WNK2: variants seen among roughly 807,000 people sequenced by gnomAD.
WNK2 encodes the protein serine/threonine-protein kinase WNK2.
Under a neutral mutation model 192.1 loss-of-function variants are expected in WNK2, and 67 were observed. The observed-to-expected ratio is 0.35, with a 90% CI of 0.29 to 0.43. The LOEUF (loss-of-function observed/expected upper bound fraction) is 0.43, where lower values mean the gene tolerates loss of function less well. Among genes scored for constraint, WNK2 ranks in the 20% least tolerant of loss-of-function variants. The pLI is 1.00. For synonymous variants in WNK2, 1,439 were observed against 1,393.9 expected, an observed-to-expected ratio of 1.03 and a Z score of -0.72; for missense variants, 2,698 against 3,089.7, an observed-to-expected ratio of 0.87 and a Z score of 3.01.
intron 25 of WNK2, among the ~76,000 whole-genome samples, chr9:93,299,822 G>A (rs1420096570): frequency 6.5e-5 from 5 of 76,420 alleles, no homozygotes; most frequent in East Asian, 3.9e-4. Context: ...AAGCCGCCCC[G>A]CCCCGCCCAC....
At position 93,308,512 on chromosome 9, in the gene WNK2, G is replaced by A. The variant is rs756217549; in HGVS notation, c.6444G>A (p.Gln2148=). ...GAAQLKPTLN[Q]LKQTQKLQDM... ...CGCAGCTGAAGCCCACGCTCAACCAGCTGAAGCAGACCCAGAAGCTGCAAG... is the reference window on the plus strand; with the variant it reads ...CGCAGCTGAAGCCCACGCTCAACCAACTGAAGCAGACCCAGAAGCTGCAAG... The change falls in exon 28 of 30, where the codon CAG becomes CAA. Residue 2148 remains glutamine, a synonymous_variant. Coordinates refer to ENST00000427277, the MANE Select transcript of WNK2 (RefSeq NM_006648.4). The A allele has an allele frequency of 5.0e-6, 8 of 1,606,762 alleles. No individual in the cohort carries two copies. The African/African-American group carries it at 6.7e-5, about 13-fold the overall frequency.
intron 24 of WNK2, 55 bp from the exon 25 acceptor site, chr9:93,299,015 G>T: frequency 6.5e-7 from 1 of 1,539,654 alleles, no homozygotes. Flanking sequence ...CAATCCACAC[G>T]GCCCCGACCC....
intron 14 of WNK2, chr9:93,263,157 T>G: frequency 2.7e-6 from 1 of 371,408 alleles, no homozygotes; most frequent in Non-Finnish European, 5.0e-6. Flanking sequence ...CTGTGACCAT[T>G]TGTTCCACCC....
intron 2 of WNK2, among the ~76,000 whole-genome samples, chr9:93,210,211 GGCTGTGGT>G (rs1342506435): frequency 6.6e-6 from 1 of 152,006 alleles, no homozygotes; most frequent in African/African-American, 2.4e-5. Flanking sequence ...CAGGGATGTG[GGCTGTGGT>G]GCTCCTGAGA....
intron 2 of WNK2, among the ~76,000 whole-genome samples, chr9:93,206,404 C>T (rs1378916245): frequency 2.0e-5 from 3 of 152,152 alleles, no homozygotes; most frequent in Non-Finnish European, 4.4e-5. Context: ...GAGGGCACAG[C>T]ATTTGGCATG....
chr9:93,282,625 C>T (rs945660227), intron 19 of WNK2, among the ~76,000 whole-genome samples: 2 of 152,114 alleles, frequency 1.3e-5, no homozygotes, highest in Non-Finnish European at 2.9e-5. Flanking sequence ...AAAGATTCAA[C>T]TGGCCAGGAA....
chr9:93,279,952 A>G (rs1396281829), intron 19 of WNK2, among the ~76,000 whole-genome samples: 1 of 152,246 alleles, frequency 6.6e-6, no homozygotes, highest in Non-Finnish European at 1.5e-5. Flanking sequence ...TATGAAACTT[A>G]TGGTAGAAAA....
chr9:93,310,874 G>A (rs201104168), intron 28 of WNK2, among the ~76,000 whole-genome samples: 3 of 152,192 alleles, frequency 2.0e-5, no homozygotes, highest in African/African-American at 7.2e-5. Context: ...TGAGGTGGGA[G>A]GATCGCTGGA....
In WNK2 at chr9:93,292,834, G is replaced by A. The variant is rs750788421; in HGVS notation, c.5369G>A (p.Arg1790Gln). 4.0e-6 allele frequency: 6 copies of A among 1,503,784 alleles called. No homozygotes were observed. The South Asian group carries it at 5.1e-5, about 13-fold the overall frequency. The allele number at this position is 1,503,784 out of a possible 1,614,324, so 93.2% of individuals were successfully genotyped here. Reference sequence around the variant, plus strand: ...CCCGACGTGAAGCTGGCAGTGCGGCGGGCGCAGACGGCCTCCTCCATCGAG... The same window carrying A: ...CCCGACGTGAAGCTGGCAGTGCGGCAGGCGCAGACGGCCTCCTCCATCGAG... Reference protein sequence around the residue: ...SSPDVKLAVRRAQTASSIEVG... With the variant: ...SSPDVKLAVRQAQTASSIEVG... The change falls in exon 23 of 30, where the codon CGG becomes CAG. Residue 1790 changes from arginine to glutamine, a missense_variant. This residue lies in a region of WNK2 where 1,098 missense variants were observed against 1,101.0 expected (regional missense o/e 1.00). Transcript: ENST00000427277.
intron 23 of WNK2, among the ~76,000 whole-genome samples, chr9:93,294,507 A>G (rs1234409250): frequency 6.6e-6 from 1 of 152,216 alleles, no homozygotes; most frequent in Non-Finnish European, 1.5e-5. Flanking sequence ...TTTGCTCAGC[A>G]GGAATGTCAT....
intron 29 of WNK2, chr9:93,319,516 A>G (rs1360499459): frequency 1.9e-5 from 12 of 639,666 alleles, no homozygotes; most frequent in Non-Finnish European, 2.1e-5. Flanking sequence ...ACCTGATTAC[A>G]CTTAGCAGTG....
At chr9:93,256,639 A>T (rs1843341542) in intron 10 of WNK2, 185 bp downstream of exon 10, 3 of 743,896 alleles carry the variant, frequency 4.0e-6, no homozygotes, top group Non-Finnish European at 6.3e-6. Flanking sequence ...TTGTGTGTGT[A>T]CGTGTGTGTG....
chr9:93,288,984 G>C lies in WNK2; in HGVS notation c.4230G>C (p.Ala1410=). ...CCACCAGCACCATGCCAGAGCCAGC[G>C]TCAGGAACTGCCAGCCAGGCAGGGG... ...APATSTMPEP[A]SGTASQAGGP... The change falls in exon 20 of 30, where the codon GCG becomes GCC. Residue 1410 remains alanine (A), a synonymous_variant. Transcript: ENST00000427277. 1.2e-6 allele frequency: 2 copies of C among 1,602,156 alleles called. No homozygotes were observed. Among genetic ancestry groups the C allele is most frequent in the Non-Finnish European group, 8.5e-7 (1 of 1,174,414 alleles).
chr9:93,299,514 G>A (rs1487371499), intron 25 of WNK2, among the ~76,000 whole-genome samples: 1 of 152,176 alleles, frequency 6.6e-6, no homozygotes, highest in Non-Finnish European at 1.5e-5. Context: ...TGGACCTTGG[G>A]GAAGTGGCTA....
intron 19 of WNK2, among the ~76,000 whole-genome samples, chr9:93,274,530 A>AG (rs986657149): frequency 2.9e-5 from 4 of 139,420 alleles, no homozygotes; most frequent in African/African-American, 1.0e-4. Context: ...AAAAAAAAAA[A>AG]AAAAAAAAGA....
At chr9:93,285,972 G>C (rs1384109839) in intron 19 of WNK2, among the ~76,000 whole-genome samples, 1 of 152,306 alleles carries the variant, frequency 6.6e-6, no homozygotes, top group East Asian at 1.9e-4. Context: ...ATAGTAGGCT[G>C]TCCACACAGG....
rs1829181772 is a variant in WNK2 at position 93,185,735 on chromosome 9, C to G, written c.681+125C>G. 4 of 1,147,848 alleles carry G rather than the reference C, an allele frequency of 3.5e-6. No individual in the cohort carries two copies. The South Asian group carries it at 5.4e-5, about 16-fold the overall frequency. The allele number at this position is 1,147,848 out of a possible 1,614,324, so 71.1% of individuals were successfully genotyped here. A position where few individuals can be genotyped will look rare whatever the true frequency, so the allele number is the denominator to read the frequency against. On this transcript the variant is annotated intron_variant, in intron 2 of 29. Coordinates refer to ENST00000427277, the MANE Select transcript of WNK2 (RefSeq NM_006648.4). ...GGGGGCGGCGGGGCTCCATGTGTGT[C>G]ACCCTCTGTGTGGATGGCTGGCAGG...
chr9:93,317,616 T>C lies in WNK2; in HGVS notation c.6613T>C (p.Ser2205Pro). The C allele has an allele frequency of 6.2e-7, 1 of 1,613,004 alleles. No homozygotes were observed. Among genetic ancestry groups the C allele is most frequent in the Admixed American group, 1.7e-5 (1 of 59,994 alleles). Reference sequence around the variant, plus strand: ...CATTCCCGGAGCCGCCCCGACCCTGTCCGTGCCCACACCAGGTACTGCCCT... The same window carrying C: ...CATTCCCGGAGCCGCCCCGACCCTGCCCGTGCCCACACCAGGTACTGCCCT... ...TVIPGAAPTL[S>P]VPTPDPESEK... is the part of the protein sequence containing the mutation. The change falls in exon 29 of 30, where the codon TCC becomes CCC. Residue 2205 changes from serine to proline, a missense_variant. Ser to Pro is a moderately conservative substitution (Grantham distance 74, BLOSUM62 -1). Around this residue, in one of 7 missense-constraint regions of WNK2, gnomAD observed 167 missense variants for 184.2 expected, o/e 0.91. Transcript: ENST00000427277.
At chr9:93,195,587 T>G (rs1010778546) in intron 2 of WNK2, among the ~76,000 whole-genome samples, 29 of 149,426 alleles carry the variant, frequency 1.9e-4, no homozygotes, top group African/African-American at 6.9e-4. Flanking sequence ...TAATCCCAGC[T>G]ACTTGGGAGG....
Sources: allele counts gnomAD v4.1 joint callset (sites outside exome capture counted in the v4.1 genomes callset), GRCh38; gene constraint gnomAD v4.1.1; regional missense constraint gnomAD v4.1.1; transcripts MANE v1.5; gene names NCBI Gene and HGNC (gene_info 2026-07-23, HGNC 2026-07-21).